KDM4C: variants seen among roughly 807,000 people sequenced by gnomAD.
The protein encoded by KDM4C is lysine demethylase 4C, also known as lysine-specific demethylase 4C.
In KDM4C, 81 loss-of-function variants were observed where a neutral mutation model predicts 129.3. That is an observed-to-expected ratio of 0.63 (90% CI 0.52 to 0.75). KDM4C has a LOEUF of 0.75. KDM4C is among the 30% of genes least tolerant of loss of function. KDM4C has a pLI of 0.00. For synonymous variants in KDM4C, 573 were observed against 456.1 expected (o/e 1.26, Z -3.26); for missense variants, 1,457 against 1,304.0 (o/e 1.12, Z -1.81).
At chr9:7,057,662 A>T (rs879468763) in intron 17 of KDM4C, among the ~76,000 whole-genome samples, 4 of 152,254 alleles carry the variant, frequency 2.6e-5, no homozygotes, top group Non-Finnish European at 5.9e-5. Context: ...ACTGTTAAGA[A>T]CATAACTGTA....
chr9:7,167,173 T>C (rs989284093), intron 20 of KDM4C, among the ~76,000 whole-genome samples: 1 of 152,178 alleles, frequency 6.6e-6, no homozygotes, highest in Non-Finnish European at 1.5e-5. Context: ...GAATAATTTT[T>C]TAATAATTTG....
chr9:6,734,802 T>G (rs1359608905), intron 1 of KDM4C: 1 of 425,232 alleles, frequency 2.4e-6, no homozygotes, highest in Non-Finnish European at 4.6e-6. Flanking sequence ...GTTGGTAGAT[T>G]CCTGTTCCAT....
At chr9:6,804,961 C>T (rs1455662632) in intron 2 of KDM4C, among the ~76,000 whole-genome samples, 4 of 151,698 alleles carry the variant, frequency 2.6e-5, no homozygotes, top group African/African-American at 7.3e-5. Context: ...AGTGCAGTGG[C>T]GCGATCTCAG....
At chr9:6,937,937 C>G (rs139935352) in intron 8 of KDM4C, among the ~76,000 whole-genome samples, 3,879 of 152,182 alleles carry the variant, frequency 0.025, 211 homozygotes, top group East Asian at 0.23. Context: ...GTCTCGAACT[C>G]CTGACCTCAG....
chr9:6,852,316 C>T (rs1838994838), intron 5 of KDM4C, among the ~76,000 whole-genome samples: 1 of 152,134 alleles, frequency 6.6e-6, no homozygotes, highest in Non-Finnish European at 1.5e-5. Context: ...GACACGAGGG[C>T]CCAGTAATCA....
chr9:7,155,956 C>T (rs934293743), intron 19 of KDM4C, among the ~76,000 whole-genome samples: 1 of 152,218 alleles, frequency 6.6e-6, no homozygotes, highest in Non-Finnish European at 1.5e-5. Context: ...AATGGTTGAA[C>T]TAATTTACAC....
At chr9:7,114,796 G>T (rs1227543805) in intron 18 of KDM4C, among the ~76,000 whole-genome samples, 2 of 152,234 alleles carry the variant, frequency 1.3e-5, no homozygotes, top group East Asian at 1.9e-4. Flanking sequence ...CACGGTGGGG[G>T]CACCTGCATT....
intron 17 of KDM4C, among the ~76,000 whole-genome samples, chr9:7,061,194 A>G (rs959609174): frequency 6.6e-6 from 1 of 152,202 alleles, no homozygotes; most frequent in Non-Finnish European, 1.5e-5. Context: ...TGTATTTTAC[A>G]TACAGTGGTT....
intron 1 of KDM4C, among the ~76,000 whole-genome samples, chr9:6,777,077 C>G (rs1466544303): frequency 7.2e-5 from 11 of 152,136 alleles, no homozygotes; most frequent in African/African-American, 4.8e-5. Context: ...TCCCCTACCC[C>G]CAAGTAAGGA....
At chr9:6,995,231 C>G (rs1299250360) in intron 12 of KDM4C, among the ~76,000 whole-genome samples, 2 of 151,538 alleles carry the variant, frequency 1.3e-5, no homozygotes, top group Non-Finnish European at 2.9e-5. Context: ...GGAGAAGTCA[C>G]TAGTGAACTT....
chr9:7,096,664 G>T (rs1836475966), intron 17 of KDM4C, among the ~76,000 whole-genome samples: 1 of 152,180 alleles, frequency 6.6e-6, no homozygotes, highest in South Asian at 2.1e-4. Context: ...TGTGACAGGT[G>T]CCTTTAATAA....
intron 5 of KDM4C, among the ~76,000 whole-genome samples, chr9:6,868,808 G>A (rs1168150312): frequency 6.6e-6 from 1 of 151,972 alleles, no homozygotes; most frequent in Non-Finnish European, 1.5e-5. Context: ...TATATGTTGA[G>A]TATTTTGGAG....
chr9:7,144,851 C>T (rs1460284332), intron 19 of KDM4C, among the ~76,000 whole-genome samples: 4 of 152,266 alleles, frequency 2.6e-5, no homozygotes, highest in East Asian at 3.8e-4. Context: ...CTAAGCTATT[C>T]TTAGGTCTCA....
chr9:6,877,909 G>T (rs1843812714), intron 5 of KDM4C, among the ~76,000 whole-genome samples: 2 of 152,140 alleles, frequency 1.3e-5, no homozygotes, highest in South Asian at 4.2e-4. Context: ...CTCATTCAGG[G>T]AACTTTCAAA....
chr9:7,092,590 G>T (rs1478153891), intron 17 of KDM4C, among the ~76,000 whole-genome samples: 2 of 152,042 alleles, frequency 1.3e-5, no homozygotes, highest in Non-Finnish European at 2.9e-5. Flanking sequence ...ACACTTAGAG[G>T]CACTTTGTCT....
chr9:6,812,004 T>A (rs143687893), intron 3 of KDM4C, among the ~76,000 whole-genome samples: 193 of 152,330 alleles, frequency 1.3e-3, no homozygotes, highest in African/African-American at 4.5e-3. Flanking sequence ...AGAATTAATA[T>A]TTGTTTAATA....
intron 8 of KDM4C, among the ~76,000 whole-genome samples, chr9:6,905,343 A>G (rs1294550709): frequency 1.3e-5 from 2 of 152,200 alleles, no homozygotes; most frequent in African/African-American, 2.4e-5. Context: ...TCTCGGTTGT[A>G]TAATTTCCCC....
intron 1 of KDM4C, among the ~76,000 whole-genome samples, chr9:6,739,632 GA>G (rs1470584862): frequency 2.1e-5 from 3 of 143,598 alleles, no homozygotes; most frequent in Non-Finnish European, 4.6e-5. Context: ...ATGCAGGGTA[GA>G]TTTTTTTTTT....
intron 8 of KDM4C, among the ~76,000 whole-genome samples, chr9:6,919,247 T>TTTCTTTC: frequency 3.5e-4 from 37 of 106,358 alleles, no homozygotes; most frequent in African/African-American, 9.6e-4. Flanking sequence ...TCTTTCTTTC[T>TTTCTTTC]TTTCTTTCTT....
Sources: gnomAD v4.1 joint callset for allele counts (sites outside exome capture counted in the v4.1 genomes callset) on GRCh38, gnomAD v4.1.1 for gene constraint, MANE v1.5 for transcripts, NCBI Gene and HGNC (gene_info 2026-07-23, HGNC 2026-07-21) for gene names.